HS6ST3: variants seen among roughly 807,000 people sequenced by gnomAD.
The protein encoded by HS6ST3 is heparan sulfate 6-O-sulfotransferase 3, also known as heparan-sulfate 6-O-sulfotransferase 3.
In HS6ST3, 12 loss-of-function variants were observed where a neutral mutation model predicts 36.7. The ratio of observed to expected loss-of-function variants is 0.33; its 90% confidence interval spans 0.21 to 0.53. The LOEUF (loss-of-function observed/expected upper bound fraction) is 0.53. Among genes scored for constraint, HS6ST3 ranks in the 20% least tolerant of loss-of-function variants. HS6ST3 has a pLI of 0.95. For missense variants in HS6ST3, 584 were observed against 640.9 expected, an observed-to-expected ratio of 0.91 and a Z score of 0.96; for synonymous variants, 240 against 257.5, an observed-to-expected ratio of 0.93 and a Z score of 0.65.
Position 96,112,627 on chromosome 13 carries a change from G to T in HS6ST3, c.707+21058G>T, listed in dbSNP as rs141568780. ...TATATATATATATATATATATGCCC[G>T]GCTGGTGGTGTACACCTGTGGTCCC... On this transcript the variant is annotated intron_variant, in intron 1 of 1. Transcript: ENST00000376705. Among the ~76,000 whole-genome samples the T allele has an allele frequency of 9.0e-4, 54 of 60,056 alleles. 2 individuals are homozygous for T. Among genetic ancestry groups the T allele is most frequent in the Non-Finnish European group, 3.8e-5 (1 of 26,594 alleles). The allele number at this position is 60,056 out of a possible 152,430, so 39.4% of individuals were successfully genotyped here.
chr13:96,440,850 C>T (rs527864781), intron 1 of HS6ST3, among the ~76,000 whole-genome samples: 1 of 152,178 alleles, frequency 6.6e-6, no homozygotes, highest in African/African-American at 2.4e-5. Flanking sequence ...ATCCCTTTAC[C>T]CCCTACCTTT....
chr13:96,104,789 T>C (rs1295356394), intron 1 of HS6ST3, among the ~76,000 whole-genome samples: 1 of 152,126 alleles, frequency 6.6e-6, no homozygotes, highest in African/African-American at 2.4e-5. Context: ...TGTTTTCCCC[T>C]CTCCCTTGGC....
intron 1 of HS6ST3, among the ~76,000 whole-genome samples, chr13:96,552,791 G>A (rs1481307496): frequency 3.9e-5 from 6 of 152,176 alleles, no homozygotes; most frequent in Admixed American, 1.3e-4. Context: ...GGAGGTATAA[G>A]GATGGTATTG....
chr13:96,401,474 C>A (rs1555303094), intron 1 of HS6ST3, among the ~76,000 whole-genome samples: 1 of 152,186 alleles, frequency 6.6e-6, no homozygotes, highest in Non-Finnish European at 1.5e-5. Flanking sequence ...TCTGAATGTG[C>A]CCCAATCTTG....
At chr13:96,400,907 G>A (rs1274079442) in intron 1 of HS6ST3, among the ~76,000 whole-genome samples, 2 of 152,044 alleles carry the variant, frequency 1.3e-5, no homozygotes, top group Non-Finnish European at 2.9e-5. Context: ...GACTCAGAGT[G>A]TTAATTTTTA....
intron 1 of HS6ST3, among the ~76,000 whole-genome samples, chr13:96,117,128 C>A (rs983082792): frequency 3.9e-5 from 6 of 152,124 alleles, no homozygotes; most frequent in African/African-American, 1.2e-4. Context: ...TAATTTAATT[C>A]TCTTCCCTTT....
intron 1 of HS6ST3, among the ~76,000 whole-genome samples, chr13:96,260,647 CT>C (rs566249281): frequency 4.4e-4 from 61 of 139,364 alleles, no homozygotes; most frequent in South Asian, 6.9e-4. Flanking sequence ...TTTTTCTTTT[CT>C]TTTTTTTTTT....
intron 1 of HS6ST3, among the ~76,000 whole-genome samples, chr13:96,642,934 T>C (rs1359603874): frequency 2.6e-5 from 4 of 151,964 alleles, no homozygotes; most frequent in Admixed American, 6.6e-5. Context: ...TTTTTTCCCC[T>C]GTGTTTAGGC....
At chr13:96,734,791 A>G (rs1876242005) in intron 1 of HS6ST3, among the ~76,000 whole-genome samples, 1 of 152,216 alleles carries the variant, frequency 6.6e-6, no homozygotes, top group Non-Finnish European at 1.5e-5. Context: ...GTGACAGCGC[A>G]CCAACCATTT....
At chr13:96,323,704 T>C (rs1258958718) in intron 1 of HS6ST3, among the ~76,000 whole-genome samples, 1 of 152,238 alleles carries the variant, frequency 6.6e-6, no homozygotes, top group African/African-American at 2.4e-5. Flanking sequence ...CTGAAGAACC[T>C]ATTTAAAGTT....
intron 1 of HS6ST3, among the ~76,000 whole-genome samples, chr13:96,108,773 T>C (rs1047396693): frequency 6.6e-6 from 1 of 152,086 alleles, no homozygotes; most frequent in African/African-American, 2.4e-5. Context: ...ATAGGAAAGA[T>C]AGAAAAGAAG....
At chr13:96,625,738 T>G (rs2056509857) in intron 1 of HS6ST3, among the ~76,000 whole-genome samples, 1 of 152,050 alleles carries the variant, frequency 6.6e-6, no homozygotes, top group Admixed American at 6.6e-5. Flanking sequence ...ATATTGTGGG[T>G]TCTAATTTTT....
intron 1 of HS6ST3, among the ~76,000 whole-genome samples, chr13:96,251,849 A>G (rs2054609566): frequency 6.6e-6 from 1 of 152,006 alleles, no homozygotes; most frequent in South Asian, 2.1e-4. Flanking sequence ...CTTAATTTCT[A>G]TATATTTGTG....
At chr13:96,541,257 G>A (rs552172860) in intron 1 of HS6ST3, among the ~76,000 whole-genome samples, 2 of 151,968 alleles carry the variant, frequency 1.3e-5, no homozygotes. Flanking sequence ...GGCTGGTCTT[G>A]ACCTCCTGAC....
At chr13:96,414,366 C>T (rs1430503830) in intron 1 of HS6ST3, among the ~76,000 whole-genome samples, 2 of 152,132 alleles carry the variant, frequency 1.3e-5, no homozygotes, top group African/African-American at 4.8e-5. Context: ...ATTAGTCTGA[C>T]CTTTTAATTT....
intron 1 of HS6ST3, among the ~76,000 whole-genome samples, chr13:96,703,341 C>T (rs1875338761): frequency 6.6e-6 from 1 of 152,152 alleles, no homozygotes; most frequent in Admixed American, 6.5e-5. Flanking sequence ...TAGTGTTAAC[C>T]TGAGAAGCAG....
intron 1 of HS6ST3, among the ~76,000 whole-genome samples, chr13:96,166,021 G>GTTATTTATTTATTTAT (rs143510611): frequency 1.4e-5 from 2 of 144,672 alleles, no homozygotes; most frequent in Non-Finnish European, 3.0e-5. Flanking sequence ...GGTGGAAGGG[G>GTTATTTATTTATTTAT]TTATTTATTT....
intron 1 of HS6ST3, among the ~76,000 whole-genome samples, chr13:96,165,867 G>T (rs1474368936): frequency 6.6e-6 from 1 of 151,994 alleles, no homozygotes; most frequent in African/African-American, 2.4e-5. Context: ...GTTATGGCAG[G>T]GTACGGTGTT....
chr13:96,828,411 G>A (rs1330577449), intron 1 of HS6ST3, among the ~76,000 whole-genome samples: 1 of 152,064 alleles, frequency 6.6e-6, no homozygotes, highest in African/African-American at 2.4e-5. Flanking sequence ...CTTTAAGTTG[G>A]TGTGTATTTT....
Sources: allele counts gnomAD v4.1 joint callset (sites outside exome capture counted in the v4.1 genomes callset), GRCh38; gene constraint gnomAD v4.1.1; transcripts MANE v1.5; gene names NCBI Gene and HGNC (gene_info 2026-07-23, HGNC 2026-07-21).